The following ETV6 variants were observed in gnomAD, a reference collection of about 807,000 sequenced individuals.
ETV6 encodes the protein ETS variant transcription factor 6.
Under a neutral mutation model 51.1 loss-of-function variants are expected in ETV6, and 16 were observed. That is an observed-to-expected ratio of 0.31 (90% CI 0.21 to 0.48). The LOEUF is 0.48. Among genes scored for constraint, ETV6 ranks in the 20% least tolerant of loss-of-function variants. The pLI, the probability that ETV6 is intolerant of heterozygous loss-of-function variation, is 0.99. For missense variants in ETV6, 458 were observed against 594.8 expected (o/e 0.77, Z 2.39); for synonymous variants, 240 against 224.1 (o/e 1.07, Z -0.64).
At chr12:11,692,724 A>G (rs1278939162) in intron 1 of ETV6, among the ~76,000 whole-genome samples, 1 of 152,188 alleles carries the variant, frequency 6.6e-6, no homozygotes, top group East Asian at 1.9e-4. Context: ...CTTGCTATCT[A>G]GCTGGGAGAG....
intron 4 of ETV6, among the ~76,000 whole-genome samples, chr12:11,864,314 C>T (rs571843918): frequency 2.0e-5 from 3 of 152,354 alleles, no homozygotes; most frequent in African/African-American, 7.2e-5. Flanking sequence ...AACCAGATTA[C>T]TGACCAACGC....
chr12:11,703,513 T>A (rs1018734983), intron 1 of ETV6, among the ~76,000 whole-genome samples: 1 of 151,958 alleles, frequency 6.6e-6, no homozygotes, highest in Non-Finnish European at 1.5e-5. Context: ...AGCAAGCCAA[T>A]GAAATGATAC....
chr12:11,738,733 C>G (rs988085695), intron 1 of ETV6, among the ~76,000 whole-genome samples: 1 of 152,134 alleles, frequency 6.6e-6, no homozygotes, highest in Non-Finnish European at 1.5e-5. Context: ...TAAAGAACTT[C>G]CATTTTAATT....
intron 2 of ETV6, among the ~76,000 whole-genome samples, chr12:11,754,871 C>A (rs1254550605): frequency 6.6e-6 from 1 of 152,226 alleles, no homozygotes; most frequent in African/African-American, 2.4e-5. Context: ...TACAGGAATT[C>A]TTTTAATTCA....
intron 2 of ETV6, among the ~76,000 whole-genome samples, chr12:11,827,070 TCACACACACACACACACACACA>T (rs55959869): frequency 2.1e-5 from 3 of 145,058 alleles, no homozygotes; most frequent in Non-Finnish European, 4.5e-5. Context: ...GAAGTCTGTC[TCACACACACACACACACACACA>T]CACACACACA....
intron 1 of ETV6, among the ~76,000 whole-genome samples, chr12:11,738,307 C>CTTT (rs59241338): frequency 0.011 from 1,225 of 113,980 alleles, 64 homozygotes; most frequent in African/African-American, 0.046. Flanking sequence ...TTTGTTTTTG[C>CTTT]TTTTTTTTTT....
In ETV6 at chr12:11,740,164, C is replaced by T. The variant is rs146984351; in HGVS notation, c.34-12286C>T. ...TGCCTGCTGGGTCCTTGTACCTTTA[C>T]GCCAGGCAGAAATCTCCGTAATCGT... On this transcript the variant is annotated intron_variant, in intron 1 of 7. Coordinates refer to ENST00000396373, the MANE Select transcript of ETV6 (RefSeq NM_001987.5). 7.4e-3 allele frequency among the ~76,000 whole-genome samples: 1,128 copies of T among 152,256 alleles called. 14 individuals carry two copies. The highest frequency in any genetic ancestry group is 0.026 in the African/African-American group (1,069 of 41,530).
At chr12:11,828,363 C>T (rs548325889) in intron 2 of ETV6, among the ~76,000 whole-genome samples, 24 of 152,274 alleles carry the variant, frequency 1.6e-4, no homozygotes, top group South Asian at 4.1e-4. Context: ...CAGGACTGTG[C>T]GTTTCAAATA....
intron 2 of ETV6, among the ~76,000 whole-genome samples, chr12:11,794,420 G>A (rs546044686): frequency 2.5e-4 from 38 of 152,264 alleles, no homozygotes; most frequent in African/African-American, 9.1e-4. Context: ...TCTAGTGCAC[G>A]CTCCAGGCGT....
At chr12:11,841,635 A>G (rs1345802709) in intron 3 of ETV6, among the ~76,000 whole-genome samples, 1 of 152,238 alleles carries the variant, frequency 6.6e-6, no homozygotes, top group African/African-American at 2.4e-5. Context: ...AAGCAACTCT[A>G]TGCCAGAGGT....
intron 1 of ETV6, among the ~76,000 whole-genome samples, chr12:11,690,546 G>A (rs1864734701): frequency 6.6e-6 from 1 of 151,934 alleles, no homozygotes; most frequent in Non-Finnish European, 1.5e-5. Flanking sequence ...AGCTATGATT[G>A]TACCACCGCA....
At chr12:11,807,896 T>C (rs141484026) in intron 2 of ETV6, among the ~76,000 whole-genome samples, 18 of 152,320 alleles carry the variant, frequency 1.2e-4, no homozygotes, top group African/African-American at 4.3e-4. Context: ...GAGAAACCAG[T>C]AGTTGCTTGA....
At chr12:11,752,655 A>G (rs1427235387) in intron 2 of ETV6, 76 bp downstream of exon 2, 6 of 1,532,724 alleles carry the variant, frequency 3.9e-6, no homozygotes, top group Non-Finnish European at 5.3e-6. Flanking sequence ...GCTCCAGGCC[A>G]GAGAGGGGCA....
intron 4 of ETV6, among the ~76,000 whole-genome samples, chr12:11,868,420 G>T (rs111691381): frequency 0.07 from 10,304 of 146,686 alleles, 418 homozygotes; most frequent in East Asian, 0.11. Flanking sequence ...AAGGTTGGGG[G>T]TTTTTTTCTT....
At chr12:11,654,006 G>A (rs1863955315) in intron 1 of ETV6, among the ~76,000 whole-genome samples, 1 of 151,944 alleles carries the variant, frequency 6.6e-6, no homozygotes, top group Admixed American at 6.6e-5. Context: ...AGAGATGGGG[G>A]TTTCACCATG....
chr12:11,800,905 T>A (rs1258027688), intron 2 of ETV6, among the ~76,000 whole-genome samples: 1 of 141,964 alleles, frequency 7.0e-6, no homozygotes, highest in African/African-American at 2.5e-5. Context: ...AGCCAGACCC[T>A]GTCTCATATT....
chr12:11,752,711 T>C (rs1303472941), intron 2 of ETV6, 132 bp downstream of exon 2: 1 of 1,193,104 alleles, frequency 8.4e-7, no homozygotes, highest in East Asian at 2.5e-5. Flanking sequence ...TGCTTTGGAA[T>C]CTTTCACACC....
intron 4 of ETV6, among the ~76,000 whole-genome samples, chr12:11,865,208 G>A (rs555473949): frequency 2.1e-5 from 3 of 142,934 alleles, no homozygotes; most frequent in Admixed American, 7.4e-5. Context: ...CAGAGATCAC[G>A]CCACTGCACT....
intron 4 of ETV6, among the ~76,000 whole-genome samples, chr12:11,858,728 CA>C (rs572049286): frequency 3.6e-4 from 55 of 152,280 alleles, no homozygotes; most frequent in Middle Eastern, 6.8e-3. Context: ...TTCACACATG[CA>C]GGGCTGAGAT....
Sources: allele counts gnomAD v4.1 joint callset (sites outside exome capture counted in the v4.1 genomes callset), GRCh38; gene constraint gnomAD v4.1.1; transcripts MANE v1.5; gene names NCBI Gene and HGNC (gene_info 2026-07-23, HGNC 2026-07-21).